The following SNAP91 variants were observed in gnomAD, a reference collection of about 807,000 sequenced individuals.
SNAP91 encodes clathrin coat assembly protein AP180.
SNAP91 carries 27 observed loss-of-function variants against 100.3 expected under a neutral mutation model. That is an observed-to-expected ratio of 0.27 (90% confidence interval 0.20 to 0.37). The LOEUF (loss-of-function observed/expected upper bound fraction) is 0.37. Among genes scored for constraint, SNAP91 ranks in the 10% least tolerant of loss-of-function variants. The pLI, the probability that SNAP91 is intolerant of heterozygous loss-of-function variation, is 1.00. For missense variants in SNAP91, 986 were observed against 1,123.7 expected, an observed-to-expected ratio of 0.88 and a Z score of 1.75; for synonymous variants, 404 against 398.6, an observed-to-expected ratio of 1.01 and a Z score of -0.16.
In SNAP91 at chr6:83,661,713, G is replaced by A. The variant is rs149070422; in HGVS notation, c.350-109C>T. 5.5e-4 allele frequency: 310 copies of A among 561,658 alleles called. 2 individuals are homozygous for A. Among genetic ancestry groups the A allele is most frequent in the African/African-American group, 4.8e-3 (254 of 52,784 alleles). 34.8% of individuals were successfully genotyped at this position (561,658 alleles called of 1,614,324 possible). ...TCTAAATGGTGATAGTCCTAGGATA[G>A]GGTCAATAACTGTATCAGATAGATC... On this transcript the variant is annotated intron_variant, in intron 4 of 29. Transcript: ENST00000369694.
At chr6:83,707,751 G>A (rs372956283) in intron 2 of SNAP91, 47 bp downstream of exon 2, 1 of 1,605,024 alleles carries the variant, frequency 6.2e-7, no homozygotes, top group Non-Finnish European at 8.5e-7. Context: ...CAGCATCCCA[G>A]GCGCCTCTGC....
intron 8 of SNAP91, among the ~76,000 whole-genome samples, chr6:83,639,092 A>G (rs550596469): frequency 1.3e-5 from 2 of 152,332 alleles, no homozygotes; most frequent in South Asian, 4.1e-4. Context: ...CTTTAATACA[A>G]TGAGCAACTT....
chr6:83,560,837 C>A, intron 27 of SNAP91, 27 bp downstream of exon 27: 2 of 1,599,356 alleles, frequency 1.3e-6, no homozygotes, highest in Non-Finnish European at 1.7e-6. Flanking sequence ...ATGTTGATTA[C>A]AATTTTTAGC....
Position 83,649,504 on chromosome 6 carries a change from T to G in SNAP91, c.658+7250A>C, listed in dbSNP as rs2128629831. Among the ~76,000 whole-genome samples the G allele has an allele frequency of 2.6e-5, 4 of 152,324 alleles. 1 individual carries two copies. In the South Asian group the frequency reaches 8.3e-4, roughly 32 times the overall value. Reference sequence around the variant, plus strand: ...AAAGCTTCACACCATTGCTTCAGCTTCATTCTATTCATTAGAAGTGTCTCT... The same window carrying G: ...AAAGCTTCACACCATTGCTTCAGCTGCATTCTATTCATTAGAAGTGTCTCT... On this transcript the variant is annotated intron_variant, in intron 7 of 29. Coordinates refer to ENST00000369694, the MANE Select transcript of SNAP91 (RefSeq NM_001242792.2).
At chr6:83,567,432 T>C (rs1022188349) in intron 26 of SNAP91, among the ~76,000 whole-genome samples, 11 of 152,096 alleles carry the variant, frequency 7.2e-5, no homozygotes, top group Admixed American at 5.2e-4. Flanking sequence ...ATTCAGGACA[T>C]AGGCATGGGC....
chr6:83,614,470 G>A (rs1390778175), intron 11 of SNAP91, among the ~76,000 whole-genome samples: 2 of 152,122 alleles, frequency 1.3e-5, no homozygotes, highest in African/African-American at 2.4e-5. Context: ...ACTGTGACCA[G>A]AAGACAAATA....
At chr6:83,704,043 A>G (rs1374987963) in intron 2 of SNAP91, among the ~76,000 whole-genome samples, 1 of 152,226 alleles carries the variant, frequency 6.6e-6, no homozygotes, top group Non-Finnish European at 1.5e-5. Flanking sequence ...AATACTGGGT[A>G]GGTACTGGGT....
intron 7 of SNAP91, among the ~76,000 whole-genome samples, chr6:83,645,665 A>G (rs1379714831): frequency 6.6e-6 from 1 of 151,998 alleles, no homozygotes; most frequent in Non-Finnish European, 1.5e-5. Context: ...TGGGCAACAT[A>G]GCAAGCCCCT....
At chr6:83,580,420 AAG>A (rs377298530) in intron 24 of SNAP91, 28 bp downstream of exon 24, 4,728 of 188,470 alleles carry the variant, frequency 0.025, 12 homozygotes, top group East Asian at 0.12. Context: ...GCTTCAGTTA[AAG>A]AAAAAAAAAA....
intron 14 of SNAP91, 139 bp from the exon 15 acceptor site, chr6:83,601,738 T>C (rs1447020994): frequency 1.3e-6 from 1 of 773,478 alleles, no homozygotes; most frequent in African/African-American, 1.7e-5. Flanking sequence ...CATTTGCAAT[T>C]AAAAAATAAA....
At chr6:83,690,207 T>G (rs560876299) in intron 2 of SNAP91, 24 of 899,624 alleles carry the variant, frequency 2.7e-5, no homozygotes, top group Non-Finnish European at 3.3e-5. Flanking sequence ...TTGAATTTTT[T>G]TCAGGGAATA....
At chr6:83,651,062 T>C (rs2098182306) in intron 7 of SNAP91, among the ~76,000 whole-genome samples, 1 of 152,184 alleles carries the variant, frequency 6.6e-6, no homozygotes, top group South Asian at 2.1e-4. Flanking sequence ...GTTCATAATA[T>C]TCTCTTATCT....
intron 8 of SNAP91, among the ~76,000 whole-genome samples, chr6:83,637,329 C>T (rs376015341): frequency 3.0e-4 from 45 of 152,310 alleles, no homozygotes; most frequent in African/African-American, 1.1e-3. Context: ...AGATCTCTAA[C>T]TCTTGGGGGG....
At chr6:83,581,190 C>T (rs1186331727) in intron 23 of SNAP91, among the ~76,000 whole-genome samples, 1 of 151,846 alleles carries the variant, frequency 6.6e-6, no homozygotes, top group South Asian at 2.1e-4. Context: ...TGGTTTCCTA[C>T]GAAATTAGGA....
chr6:83,673,243 A>G (rs550066135), intron 2 of SNAP91, among the ~76,000 whole-genome samples: 4 of 152,132 alleles, frequency 2.6e-5, no homozygotes, highest in African/African-American at 9.6e-5. Flanking sequence ...TCTACCCCCA[A>G]TGTAATGGTA....
chr6:83,680,219 G>A (rs1365480912), intron 2 of SNAP91, among the ~76,000 whole-genome samples: 6 of 151,950 alleles, frequency 3.9e-5, no homozygotes, highest in South Asian at 2.1e-4. Flanking sequence ...ATTTGTACCC[G>A]AAAATGTTAC....
At chr6:83,629,795 A>C (rs2097132592) in intron 8 of SNAP91, among the ~76,000 whole-genome samples, 1 of 152,052 alleles carries the variant, frequency 6.6e-6, no homozygotes, top group East Asian at 1.9e-4. Context: ...TCATATCATC[A>C]GCAAGCAGCA....
intron 11 of SNAP91, among the ~76,000 whole-genome samples, chr6:83,610,904 TC>T (rs2096012158): frequency 6.6e-6 from 1 of 151,728 alleles, no homozygotes; most frequent in Non-Finnish European, 1.5e-5. Context: ...TCCACTGTTT[TC>T]CATCTACTTA....
chr6:83,567,043 ATCC>A (rs758113005), intron 26 of SNAP91, among the ~76,000 whole-genome samples: 36 of 152,110 alleles, frequency 2.4e-4, no homozygotes, highest in Non-Finnish European at 4.4e-4. Flanking sequence ...GGCTCAAGCA[ATCC>A]TCCTGCCTCA....
Sources: allele counts gnomAD v4.1 joint callset (sites outside exome capture counted in the v4.1 genomes callset), GRCh38; gene constraint gnomAD v4.1.1; transcripts MANE v1.5; gene names NCBI Gene and HGNC (gene_info 2026-07-23, HGNC 2026-07-21).